The following DSP variants were observed in gnomAD, a reference collection of about 807,000 sequenced individuals.
DSP encodes the protein 250/210 kDa paraneoplastic pemphigus antigen.
In DSP, 114 loss-of-function variants were observed where a neutral mutation model predicts 290.6. The ratio of observed to expected loss-of-function variants is 0.39; its 90% CI spans 0.34 to 0.46. The LOEUF (loss-of-function observed/expected upper bound fraction) is 0.46. Ranked by LOEUF, DSP falls within the 20% of genes least tolerant of loss-of-function variation. The pLI is 0.99. For missense variants in DSP, 3,230 were observed against 3,495.8 expected, an observed-to-expected ratio of 0.92 and a Z score of 1.92; for synonymous variants, 1,311 against 1,316.4, an observed-to-expected ratio of 1.00 and a Z score of 0.09.
chr6:7,583,471 A>G lies in DSP; in HGVS notation c.6209A>G (p.Asp2070Gly). 1.2e-6 allele frequency: 2 copies of G among 1,614,212 alleles called. No individual in the cohort carries two copies. The highest frequency in any genetic ancestry group is 1.7e-6 in the Non-Finnish European group (2 of 1,180,034). Reference sequence around the variant, plus strand: ...CATCGGAATGAGAAGCTGACTGTCGACAGTGCCATAGCTCGGGACCTCATT... The same window carrying G: ...CATCGGAATGAGAAGCTGACTGTCGGCAGTGCCATAGCTCGGGACCTCATT... ...DPHRNEKLTV[D>G]SAIARDLIDF... The change falls in exon 24 of 24, where the codon GAC becomes GGC. Residue 2070 changes from aspartate (D) to glycine (G), a missense_variant. Asp to Gly is a moderately conservative substitution (Grantham distance 94). Around this residue, in one of 5 missense-constraint regions of DSP, gnomAD observed 1,714 missense variants for 1,844.5 expected, o/e 0.93. Coordinates refer to ENST00000379802, the MANE Select transcript of DSP (RefSeq NM_004415.4). This position sits in a 1 kb window ranked among gnomAD's most constrained non-coding sequence, Gnocchi z 4.0.
In DSP at chr6:7,585,566, C is replaced by T; in HGVS notation, c.8304C>T (p.Ser2768=). The T allele has an allele frequency of 2.5e-6, 4 of 1,614,172 alleles. No individual in the cohort carries two copies. The highest frequency in any genetic ancestry group is 2.2e-5 in the South Asian group (2 of 91,082). Residue 2768 remains serine, a synonymous_variant, in exon 24 of 24, where the codon AGC becomes AGT. Transcript: ENST00000379802. ...CCGCACAGAGGCTGCAAGACACCAG[C>T]AGCTATGCCAAAATCCTGACCTGCC... ...GRAAQRLQDT[S]SYAKILTCPK... is the part of the protein sequence containing the mutation.
rs767516148 is a variant in DSP, at chr6:7,583,225, A to G, written c.5963A>G (p.Lys1988Arg). The change falls in exon 24 of 24, where the codon AAA (lysine) becomes AGA (arginine). Residue 1988 changes from lysine (K) to arginine (R), a missense_variant. This residue lies in a region of DSP where 1,714 missense variants were observed against 1,844.5 expected (regional missense o/e 0.93). Coordinates refer to ENST00000379802, the MANE Select transcript of DSP (RefSeq NM_004415.4). The surrounding 1 kb of genome is among the most constrained non-coding windows in gnomAD (Gnocchi z 4.0). Reference sequence around the variant, plus strand: ...CTCTATGAGTGTCAGCTGATCGACAAAACAACCTTGGACAAACTATTGAAG... The same window carrying G: ...CTCTATGAGTGTCAGCTGATCGACAGAACAACCTTGGACAAACTATTGAAG... Reference protein sequence around the residue: ...MQLYECQLIDKTTLDKLLKGK... With the variant: ...MQLYECQLIDRTTLDKLLKGK... 3.1e-6 allele frequency: 5 copies of G among 1,614,102 alleles called. No homozygotes were observed. The highest frequency in any genetic ancestry group is 1.3e-5 in the African/African-American group (1 of 74,920).
intron 8 of DSP, 40 bp from the exon 9 acceptor site, chr6:7,567,314 A>G (rs939318580): frequency 3.9e-6 from 6 of 1,548,600 alleles, no homozygotes; most frequent in South Asian, 2.2e-5. Flanking sequence ...CATCTGTACA[A>G]CTGAGCTAGG....
chr6:7,579,497 C>G lies in DSP; in HGVS notation c.3307C>G (p.Gln1103Glu), dbSNP rs1759348397. Residue 1103 changes from glutamine (Q) to glutamate (E), a missense_variant, in exon 23 of 24, where the codon CAA (glutamine) becomes GAA (glutamate). Coordinates refer to ENST00000379802, the MANE Select transcript of DSP (RefSeq NM_004415.4). The surrounding 1 kb of genome is among the most constrained non-coding windows in gnomAD (Gnocchi z 4.1). ...AKQNLDKCYG[Q>E]IKELNEKITR... ...GCAAAATCTAGACAAGTGCTACGGC[C>G]AAATAAAAGAACTCAATGAGAAGAT... 6 of 1,613,728 alleles carry G rather than the reference C, an allele frequency of 3.7e-6. No individual in the cohort carries two copies. The East Asian group carries it at 1.3e-4, about 36-fold the overall frequency.
chr6:7,561,637 C>T (rs1758697842), intron 4 of DSP, among the ~76,000 whole-genome samples: 1 of 152,192 alleles, frequency 6.6e-6, no homozygotes, highest in African/African-American at 2.4e-5. Flanking sequence ...CTGCACGCAC[C>T]TGGCTGTCTC....
chr6:7,544,730 A>G lies in DSP; in HGVS notation c.170+2645A>G, dbSNP rs1405061580. On this transcript the variant is annotated intron_variant, in intron 1 of 23. Coordinates refer to ENST00000379802, the MANE Select transcript of DSP (RefSeq NM_004415.4). ...CTCTCTCTCTCTGTCCTTTCCACGAACAGCACTTACCCGTTTTTAGGACAG... is the reference window on the plus strand; with the variant it reads ...CTCTCTCTCTCTGTCCTTTCCACGAGCAGCACTTACCCGTTTTTAGGACAG... Among the ~76,000 whole-genome samples the G allele has an allele frequency of 2.0e-5, 3 of 152,100 alleles. 1 individual carries two copies. In the East Asian group the frequency reaches 5.8e-4, roughly 29 times the overall value.
chr6:7,585,848 C>T lies in DSP; in HGVS notation c.8586C>T (p.Tyr2862=). ...GGAATTCTTCCTACTCTTATTCCTA[C>T]TCATTTAGCAGTAGTTCTATTGGGC... ...ATGNSSYSYS[Y]SFSSSSIGH Residue 2862 remains tyrosine (Y), a synonymous_variant, in exon 24 of 24, where the codon TAC becomes TAT. Coordinates refer to ENST00000379802, the MANE Select transcript of DSP (RefSeq NM_004415.4). The T allele has an allele frequency of 6.2e-7, 1 of 1,614,080 alleles. No homozygotes were observed. The highest frequency in any genetic ancestry group is 8.5e-7 in the Non-Finnish European group (1 of 1,180,028).
intron 19 of DSP, 119 bp from the exon 20 acceptor site, chr6:7,576,840 G>A: frequency 2.2e-6 from 2 of 894,172 alleles, no homozygotes; most frequent in Non-Finnish European, 3.5e-6. Flanking sequence ...TATGAGACAA[G>A]TACATGTAGT....
chr6:7,584,648 G>C lies in DSP; in HGVS notation c.7386G>C (p.Arg2462Ser). Residue 2462 changes from arginine (R) to serine (S), a missense_variant, in exon 24 of 24, where the codon AGG becomes AGC. This residue lies in a region of DSP where 582 missense variants were observed against 555.4 expected (regional missense o/e 1.05). Transcript: ENST00000379802. This position sits in a 1 kb window ranked among gnomAD's most constrained non-coding sequence, Gnocchi z 6.4. ...AGACATCACAAAAGAATACCCTCAGGAAGCGTAGAGTGGTCATAGTTGACC... is the reference window on the plus strand; with the variant it reads ...AGACATCACAAAAGAATACCCTCAGCAAGCGTAGAGTGGTCATAGTTGACC... ...QVQTSQKNTL[R>S]KRRVVIVDPE... 6.2e-7 allele frequency: 1 copy of C among 1,614,146 alleles called. No individual in the cohort carries two copies. The highest frequency in any genetic ancestry group is 8.5e-7 in the Non-Finnish European group (1 of 1,180,022).
At position 7,575,401 on chromosome 6, in the gene DSP, T is replaced by C. The variant is rs778056465; in HGVS notation, c.2543T>C (p.Leu848Pro). Residue 848 changes from leucine (L) to proline (P), a missense_variant, in exon 18 of 24, where the codon CTT becomes CCT. Around this residue, in one of 5 missense-constraint regions of DSP, gnomAD observed 1,714 missense variants for 1,844.5 expected, o/e 0.93. Transcript: ENST00000379802. ...IHSQTSQQYPLYDLDLGKFGE... is the reference protein window; with the variant it reads ...IHSQTSQQYPPYDLDLGKFGE... ...TCTCAGACTTCACAGCAGTATCCAC[T>C]TTATGATCTGGACTTGGGCAAGTTC... 1.9e-6 allele frequency: 3 copies of C among 1,614,202 alleles called. No homozygotes were observed. The Admixed American group carries it at 5.0e-5, about 27-fold the overall frequency.
intron 7 of DSP, 93 bp from the exon 8 acceptor site, chr6:7,566,284 C>T (rs1481596711): frequency 2.0e-6 from 2 of 994,512 alleles, no homozygotes; most frequent in African/African-American, 3.2e-5. Flanking sequence ...TTCCAAAATG[C>T]AGTTTTGTAT....
chr6:7,563,679 CTT>C, intron 5 of DSP, 55 bp from the exon 6 acceptor site: 1 of 1,483,278 alleles, frequency 6.7e-7, no homozygotes, highest in Non-Finnish European at 9.4e-7. Flanking sequence ...AAGGGCCACT[CTT>C]TTCTATACAA....
chr6:7,552,415 T>C (rs1279954872), intron 1 of DSP, among the ~76,000 whole-genome samples: 1 of 136,400 alleles, frequency 7.3e-6, no homozygotes, highest in East Asian at 2.2e-4. Context: ...AAAAAAAAAA[T>C]AGCTGGGCGT....
At chr6:7,572,170 T>A in intron 15 of DSP, 102 bp downstream of exon 15, 1 of 1,076,678 alleles carries the variant, frequency 9.3e-7, no homozygotes, top group Non-Finnish European at 1.4e-6. Flanking sequence ...GCAAAAATAT[T>A]AACTTTCAAG....
chr6:7,570,142 A>G (rs1296988019), intron 12 of DSP, among the ~76,000 whole-genome samples: 1 of 152,188 alleles, frequency 6.6e-6, no homozygotes, highest in Non-Finnish European at 1.5e-5. Flanking sequence ...ATTGGCATCT[A>G]ATGCACCTGC....
At chr6:7,567,734 G>T (rs761785140) in intron 9 of DSP, 47 bp from the exon 10 acceptor site, 1 of 1,612,620 alleles carries the variant, frequency 6.2e-7, no homozygotes, top group Non-Finnish European at 8.5e-7. Flanking sequence ...AGATGAAATT[G>T]CTCATTGAGT....
In DSP at chr6:7,577,007, C is replaced by G. The variant is rs1193839306; in HGVS notation, c.2842C>G (p.Gln948Glu). The G allele has an allele frequency of 6.2e-7, 1 of 1,611,996 alleles. No homozygotes were observed. Residue 948 changes from glutamine to glutamate, a missense_variant, in exon 20 of 24, where the codon CAA becomes GAA. Transcript: ENST00000379802. The part of the protein sequence containing the change: ...SGKRDKSEEV[Q>E]KIAELCANSI... ...CAAACGAGACAAATCAGAGGAAGTA[C>G]AAAAAATTGCTGAACTTTGCGCCAA... is the stretch of plus-strand genomic sequence containing the variant.
At position 7,584,968 on chromosome 6, in the gene DSP, C is replaced by T. The variant is rs770464104; in HGVS notation, c.7706C>T (p.Thr2569Ile). The change falls in exon 24 of 24, where the codon ACC becomes ATC. Residue 2569 changes from threonine to isoleucine, a missense_variant. Around this residue, in one of 5 missense-constraint regions of DSP, gnomAD observed 582 missense variants for 555.4 expected, o/e 1.05. Transcript: ENST00000379802. This position sits in a 1 kb window ranked among gnomAD's most constrained non-coding sequence, Gnocchi z 6.4. The part of the protein sequence containing the change: ...DMISLKNGVG[T>I]SSSMGSGVSD... ...ATCTCCTTGAAAAATGGTGTCGGCA[C>T]CAGCAGCAGCATGGGCAGTGGTGTC... The T allele has an allele frequency of 1.2e-5, 19 of 1,614,196 alleles. No homozygotes were observed. The South Asian group carries it at 2.1e-4, about 18-fold the overall frequency.
Position 7,567,737 on chromosome 6 carries a change from C to T in DSP, c.1141-44C>T, listed in dbSNP as rs2076296. ...AACAGAACTACTAGATGAAATTGCT[C>T]ATTGAGTTGCTGTTCATTCACTGAT... On this transcript the variant is annotated intron_variant, in intron 9 of 23. Transcript: ENST00000379802. 0.76 allele frequency: 1,230,958 copies of T among 1,611,848 alleles called. 471,357 individuals carry two copies. Among genetic ancestry groups the T allele is most frequent in the East Asian group, 0.83 (37,264 of 44,814 alleles).
Sources: allele counts gnomAD v4.1 joint callset (sites outside exome capture counted in the v4.1 genomes callset), GRCh38; gene constraint gnomAD v4.1.1; regional missense constraint gnomAD v4.1.1; non-coding constraint Gnocchi (gnomAD v3.1); transcripts MANE v1.5; gene names NCBI Gene and HGNC (gene_info 2026-07-23, HGNC 2026-07-21).